SCUBE1: variants seen among roughly 807,000 people sequenced by gnomAD.
The protein encoded by SCUBE1 is signal peptide, CUB and EGF-like domain-containing protein 1.
SCUBE1 carries 59 observed loss-of-function variants against 124.4 expected under a neutral mutation model. That is an observed-to-expected ratio of 0.47 (90% CI 0.38 to 0.59). The LOEUF (loss-of-function observed/expected upper bound fraction) is 0.59, where lower values mean the gene tolerates loss of function less well. Ranked by LOEUF, SCUBE1 falls within the 20% of genes least tolerant of loss-of-function variation. The pLI, the probability that SCUBE1 is intolerant of heterozygous loss-of-function variation, is 0.00. For missense variants in SCUBE1, 1,150 were observed against 1,371.2 expected, an observed-to-expected ratio of 0.84 and a Z score of 2.55; for synonymous variants, 545 against 550.9, an observed-to-expected ratio of 0.99 and a Z score of 0.15.
Position 43,210,370 on chromosome 22 carries a change from C to T in SCUBE1, c.2384-130G>A. 1 of 748,184 alleles carries T rather than the reference C, an allele frequency of 1.3e-6. No individual in the cohort carries two copies. Among genetic ancestry groups the T allele is most frequent in the Non-Finnish European group, 2.0e-6 (1 of 499,642 alleles). The allele number at this position is 748,184 out of a possible 1,614,324, so 46.3% of individuals were successfully genotyped here. A position where few individuals can be genotyped will look rare whatever the true frequency, so the allele number is the denominator to read the frequency against. ...GCTCTTGTCCCCCCCCACACTAGCC[C>T]TCGGACCCTGAGCCCATCCTCCTTG... On this transcript the variant is annotated intron_variant, in intron 18 of 21. Coordinates refer to ENST00000360835, the MANE Select transcript of SCUBE1 (RefSeq NM_173050.5). This position sits in a 1 kb window ranked among gnomAD's most constrained non-coding sequence, Gnocchi z 4.5.
Position 43,241,461 on chromosome 22 carries a change from TCCATCTGAGTCTAAC to T in SCUBE1, c.728-2522_728-2508del, listed in dbSNP as rs553328356. ...AATGGCAGAGCTGGAGGGGACCTGCTCCATCTGAGTCTAACCCCCTTGGCTCCTTGCGGGCAGTGA... is the reference window on the plus strand; with the variant it reads ...AATGGCAGAGCTGGAGGGGACCTGCTCCCCTTGGCTCCTTGCGGGCAGTGA... On this transcript the variant is annotated intron_variant, in intron 6 of 21. Transcript: ENST00000360835. Among the ~76,000 whole-genome samples, 78 of 152,110 alleles carry T rather than the reference TCCATCTGAGTCTAAC, an allele frequency of 5.1e-4. 1 individual carries two copies. The highest frequency in any genetic ancestry group is 1.4e-3 in the African/African-American group (60 of 41,478).
At position 43,304,722 on chromosome 22, in the gene SCUBE1, C is replaced by T. The variant is rs533135657; in HGVS notation, c.350-13542G>A. On this transcript the variant is annotated intron_variant, in intron 3 of 21. Transcript: ENST00000360835. ...CCCTGAACCCACTCTGCTCCCTGGC[C>T]GAGCCCTTCCCATCTCCAGGCTCTG... 3.9e-5 allele frequency among the ~76,000 whole-genome samples: 6 copies of T among 152,174 alleles called. No homozygotes were observed. In the South Asian group the frequency reaches 6.2e-4, roughly 16 times the overall value.
intron 3 of SCUBE1, among the ~76,000 whole-genome samples, chr22:43,301,918 T>C (rs1488828366): frequency 1.3e-5 from 2 of 152,234 alleles, no homozygotes; most frequent in Admixed American, 1.3e-4. Flanking sequence ...ATGAGCTGCA[T>C]GGCCTTCGCT....
Position 43,258,716 on chromosome 22 carries a change from A to T in SCUBE1, c.611-381T>A, listed in dbSNP as rs902327834. Among the ~76,000 whole-genome samples the T allele has an allele frequency of 7.9e-5, 12 of 152,318 alleles. No individual in the cohort carries two copies. The highest frequency in any genetic ancestry group is 1.7e-4 in the African/African-American group (7 of 41,558). On this transcript the variant is annotated intron_variant, in intron 5 of 21. Coordinates refer to ENST00000360835, the MANE Select transcript of SCUBE1 (RefSeq NM_173050.5). This position sits in a 1 kb window ranked among gnomAD's most constrained non-coding sequence, Gnocchi z 5.0. ...GGCAAATGTTTGCCAATGCCAGGAC[A>T]TACTTGTCAAGCTGTCGGGGGAGGG...
Position 43,208,193 on chromosome 22 carries a change from G to A in SCUBE1, c.2613C>T (p.Thr871=). Residue 871 remains threonine (T), a synonymous_variant, in exon 20 of 22, where the codon ACC becomes ACT. Coordinates refer to ENST00000360835, the MANE Select transcript of SCUBE1 (RefSeq NM_173050.5). ...ASPTSITTYE[T]CQTYERPIAF... is the part of the protein sequence containing the mutation. The stretch of plus-strand genomic sequence containing the variant: ...CGATGGGCCTCTCGTAGGTCTGGCA[G>A]GTCTCATAGGTGGTGATGGACGTGG... 1.2e-6 allele frequency: 2 copies of A among 1,614,090 alleles called. No homozygotes were observed. The highest frequency in any genetic ancestry group is 1.7e-6 in the Non-Finnish European group (2 of 1,179,996).
intron 4 of SCUBE1, among the ~76,000 whole-genome samples, chr22:43,268,015 T>C (rs1375490709): frequency 1.3e-5 from 2 of 152,210 alleles, no homozygotes; most frequent in South Asian, 2.1e-4. Context: ...TCTGTGACTC[T>C]ACCCCCTCTG....
At chr22:43,324,064 CG>C (rs1926644380) in intron 2 of SCUBE1, among the ~76,000 whole-genome samples, 1 of 152,136 alleles carries the variant, frequency 6.6e-6, no homozygotes, top group Non-Finnish European at 1.5e-5. Context: ...GTCTGAGAAA[CG>C]TCAGACCTCC....
At chr22:43,204,237 T>A in intron 21 of SCUBE1, 88 bp from the exon 22 acceptor site, 23 of 1,097,432 alleles carry the variant, frequency 2.1e-5, no homozygotes, top group Non-Finnish European at 2.7e-5. Flanking sequence ...GGGAGAGAGA[T>A]GCGCTGGCTG....
intron 8 of SCUBE1, among the ~76,000 whole-genome samples, chr22:43,230,036 C>T (rs1175702576): frequency 1.3e-5 from 2 of 152,200 alleles, no homozygotes; most frequent in East Asian, 1.9e-4. Context: ...TATAAAACCA[C>T]TAACACAAGG....
chr22:43,223,404 G>A (rs538404877), intron 10 of SCUBE1, among the ~76,000 whole-genome samples, 188 bp from the exon 11 acceptor site: 17 of 152,180 alleles, frequency 1.1e-4, no homozygotes, highest in Non-Finnish European at 1.9e-4. Context: ...GGCCCAGACA[G>A]CTGGCTTAGT....
chr22:43,283,301 CTG>C (rs1925000807), intron 4 of SCUBE1: 1 of 152,212 alleles, frequency 6.6e-6, no homozygotes. Context: ...ACCCAGACCA[CTG>C]GGTTCCAGTC....
intron 2 of SCUBE1, among the ~76,000 whole-genome samples, chr22:43,321,427 A>G (rs1449583369): frequency 6.6e-6 from 1 of 152,194 alleles, no homozygotes; most frequent in Non-Finnish European, 1.5e-5. Flanking sequence ...GCCGGTCTGC[A>G]AGGTAGAAGC....
chr22:43,227,458 G>C lies in SCUBE1; in HGVS notation c.1123C>G (p.Gln375Glu). 6.2e-7 allele frequency: 1 copy of C among 1,613,152 alleles called. No individual in the cohort carries two copies. The highest frequency in any genetic ancestry group is 1.3e-5 in the African/African-American group (1 of 75,034). ...CTGCCCTTGGTGTTGACGCAGCCCT[G>C]GTCACAGCTCCCGTTGCTCATGCTG... ...ECSMSNGSCD[Q>E]GCVNTKGSYE... Residue 375 changes from glutamine (Q) to glutamate (E), a missense_variant, in exon 10 of 22, where the codon CAG becomes GAG. Gln to Glu is a conservative substitution (Grantham distance 29, BLOSUM62 2). Transcript: ENST00000360835.
At chr22:43,300,679 C>T (rs150617234) in intron 3 of SCUBE1, among the ~76,000 whole-genome samples, 257 of 152,220 alleles carry the variant, frequency 1.7e-3, no homozygotes, top group African/African-American at 6.1e-3. Flanking sequence ...ATTCTGTGGA[C>T]ACCACCTCCT....
At chr22:43,212,662 G>A (rs771748750) in intron 16 of SCUBE1, 70 bp from the exon 17 acceptor site, 47 of 1,494,126 alleles carry the variant, frequency 3.1e-5, no homozygotes, top group Non-Finnish European at 4.1e-5. Context: ...GGTGGTCTCA[G>A]GCCCCGCTCT....
At chr22:43,248,992 G>T (rs867907659) in intron 6 of SCUBE1, among the ~76,000 whole-genome samples, 18 of 152,200 alleles carry the variant, frequency 1.2e-4, no homozygotes, top group Admixed American at 5.9e-4. Context: ...AGCTGGAAAA[G>T]ACCTAGCTTC....
chr22:43,234,806 C>T lies in SCUBE1; in HGVS notation c.845-2931G>A, dbSNP rs578109691. On this transcript the variant is annotated intron_variant, in intron 7 of 21. Transcript: ENST00000360835. This position sits in a 1 kb window ranked among gnomAD's most constrained non-coding sequence, Gnocchi z 4.4. ...GCTCCTGAGTCTGCTAGGATGTGGG[C>T]CCTCCCTCTGCAGAGGCTCCCAGAG... 6.6e-6 allele frequency among the ~76,000 whole-genome samples: 1 copy of T among 152,260 alleles called. No individual in the cohort carries two copies. The highest frequency in any genetic ancestry group is 2.4e-5 in the African/African-American group (1 of 41,548).
intron 3 of SCUBE1, among the ~76,000 whole-genome samples, chr22:43,302,824 C>A (rs1279668840): frequency 6.6e-6 from 1 of 152,174 alleles, no homozygotes. Context: ...GGAACCAAAG[C>A]GAGAAGCTGT....
At chr22:43,228,995 C>T (rs955740950) in intron 9 of SCUBE1, 77 bp downstream of exon 9, 20 of 1,022,392 alleles carry the variant, frequency 2.0e-5, no homozygotes, top group African/African-American at 7.9e-5. Context: ...GGTTGGGATG[C>T]GGGGTGCAGT....
Sources: allele counts gnomAD v4.1 joint callset (sites outside exome capture counted in the v4.1 genomes callset), GRCh38; gene constraint gnomAD v4.1.1; non-coding constraint Gnocchi (gnomAD v3.1); transcripts MANE v1.5; gene names NCBI Gene and HGNC (gene_info 2026-07-23, HGNC 2026-07-21).